The following SEMA3E variants were observed in gnomAD, a reference collection of about 807,000 sequenced individuals.
The protein encoded by SEMA3E is semaphorin-3E.
Under a neutral mutation model 93.6 loss-of-function variants are expected in SEMA3E, and 49 were observed. The observed-to-expected ratio is 0.52, with a 90% CI of 0.42 to 0.66. The LOEUF is 0.66. SEMA3E is among the 30% of genes least tolerant of loss of function. SEMA3E has a pLI of 0.00. For synonymous variants in SEMA3E, 363 were observed against 330.7 expected, an observed-to-expected ratio of 1.10 and a Z score of -1.06; for missense variants, 906 against 964.8, an observed-to-expected ratio of 0.94 and a Z score of 0.81.
At chr7:83,551,209 C>T (rs1435789131) in intron 1 of SEMA3E, among the ~76,000 whole-genome samples, 3 of 151,202 alleles carry the variant, frequency 2.0e-5, no homozygotes, top group African/African-American at 7.3e-5. Context: ...TTTCTAATAC[C>T]AAAAAAAATA....
intron 2 of SEMA3E, among the ~76,000 whole-genome samples, chr7:83,483,678 C>T (rs1380400805): frequency 4.0e-5 from 6 of 151,584 alleles, no homozygotes; most frequent in African/African-American, 1.5e-4. Flanking sequence ...AAGCTGGGAC[C>T]CAGAGCATGG....
intron 2 of SEMA3E, among the ~76,000 whole-genome samples, chr7:83,481,279 G>C (rs149540027): frequency 3.2e-4 from 49 of 152,140 alleles, no homozygotes; most frequent in Non-Finnish European, 5.7e-4. Flanking sequence ...GAAAGTCTCA[G>C]ATGCTTTAAT....
chr7:83,530,374 C>T (rs1287508775), intron 1 of SEMA3E, among the ~76,000 whole-genome samples: 15 of 152,084 alleles, frequency 9.9e-5, no homozygotes, highest in Admixed American at 9.8e-4. Flanking sequence ...TGTAATACTG[C>T]CTCTCACTAT....
At chr7:83,409,363 G>T (rs1253817916) in intron 5 of SEMA3E, among the ~76,000 whole-genome samples, 1 of 152,114 alleles carries the variant, frequency 6.6e-6, no homozygotes, top group African/African-American at 2.4e-5. Flanking sequence ...TTACCAGAAG[G>T]ATGTCCTGGC....
At chr7:83,617,508 AAATAATATAT>A (rs1247505788) in intron 1 of SEMA3E, among the ~76,000 whole-genome samples, 84 of 146,058 alleles carry the variant, frequency 5.8e-4, no homozygotes, top group South Asian at 1.0e-3. Flanking sequence ...AATTTTATAT[AAATAATATAT>A]AATTTTATAT....
rs1451262825 is a variant in SEMA3E at position 83,516,787 on chromosome 7, T to C, written c.116-26513A>G. 2.0e-5 allele frequency among the ~76,000 whole-genome samples: 3 copies of C among 152,224 alleles called. No homozygotes were observed. In the East Asian group the frequency reaches 5.8e-4, roughly 29 times the overall value. ...ATATTTTCTTCTTCCCCTGCTACGT[T>C]ATGTTTTTAACTATATCATAAAAGT... On this transcript the variant is annotated intron_variant, in intron 1 of 16. Coordinates refer to ENST00000643230, the MANE Select transcript of SEMA3E (RefSeq NM_012431.3).
At position 83,367,909 on chromosome 7, in the gene SEMA3E, T is replaced by A. The variant is rs1208461195; in HGVS notation, c.2005A>T (p.Thr669Ser). 1 of 1,610,802 alleles carries A rather than the reference T, an allele frequency of 6.2e-7. No homozygotes were observed. The highest frequency in any genetic ancestry group is 1.1e-5 in the South Asian group (1 of 90,900). The change falls in exon 17 of 17, where the codon ACC becomes TCC. Residue 669 changes from threonine (T) to serine (S), a missense_variant. Physicochemically the swap from Thr to Ser is moderately conservative, Grantham distance 58. Transcript: ENST00000643230. ...TTCTCCTCTTCCACTACCTCCAAGGTGATTTTACGGACCGTATGGACAAAG... is the reference window on the plus strand; with the variant it reads ...TTCTCCTCTTCCACTACCTCCAAGGAGATTTTACGGACCGTATGGACAAAG... ...HSFVHTVRKI[T>S]LEVVEEEKVE...
chr7:83,417,077 CTCTT>C (rs1788563156), intron 5 of SEMA3E, among the ~76,000 whole-genome samples: 1 of 145,800 alleles, frequency 6.9e-6, no homozygotes, highest in East Asian at 2.1e-4. Context: ...TTAATATTTT[CTCTT>C]TAATATTTAT....
chr7:83,395,749 G>C (rs1788106779), intron 12 of SEMA3E, among the ~76,000 whole-genome samples: 2 of 144,660 alleles, frequency 1.4e-5, no homozygotes, highest in African/African-American at 4.9e-5. Flanking sequence ...CAAAAAAGCT[G>C]TGCTGTGCCT....
At chr7:83,647,381 G>T (rs1402042817) in intron 1 of SEMA3E, among the ~76,000 whole-genome samples, 2 of 152,036 alleles carry the variant, frequency 1.3e-5, no homozygotes, top group Non-Finnish European at 2.9e-5. Context: ...TTTCTACAGT[G>T]GGGGACAATT....
In SEMA3E at chr7:83,364,185, C is replaced by G. The variant is rs1041183340; in HGVS notation, c.*3401G>C. ...CTGGGATTACAGGCGTGAGCCACCG[C>G]GCCCGGCCAGGTCAATTCATTTTTA... On this transcript the variant is annotated 3_prime_UTR_variant, in exon 17 of 17. Coordinates refer to ENST00000643230, the MANE Select transcript of SEMA3E (RefSeq NM_012431.3). 3.9e-5 allele frequency: 6 copies of G among 152,046 alleles called. No homozygotes were observed. Among genetic ancestry groups the G allele is most frequent in the African/African-American group, 1.2e-4 (5 of 41,364 alleles). 9.4% of individuals were successfully genotyped at this position (152,046 alleles called of 1,614,324 possible). A position where few individuals can be genotyped will look rare whatever the true frequency, so the allele number is the denominator to read the frequency against.
At chr7:83,375,999 A>C (rs879902782) in intron 16 of SEMA3E, among the ~76,000 whole-genome samples, 3 of 152,082 alleles carry the variant, frequency 2.0e-5, no homozygotes, top group Admixed American at 6.6e-5. Context: ...ATGTTTGTCA[A>C]GGCTAGAAAA....
At chr7:83,387,199 G>C (rs1787899133) in intron 14 of SEMA3E, 149 bp from the exon 15 acceptor site, 1 of 702,922 alleles carries the variant, frequency 1.4e-6, no homozygotes, top group Non-Finnish European at 2.4e-6. Context: ...AAGTTTCATA[G>C]TTTTTCATAT....
At chr7:83,519,128 C>G (rs1339283040) in intron 1 of SEMA3E, among the ~76,000 whole-genome samples, 1 of 151,886 alleles carries the variant, frequency 6.6e-6, no homozygotes, top group Non-Finnish European at 1.5e-5. Context: ...CCGCTACCCC[C>G]ACCCCACAAC....
chr7:83,522,729 A>C (rs1791074443), intron 1 of SEMA3E, among the ~76,000 whole-genome samples: 1 of 152,060 alleles, frequency 6.6e-6, no homozygotes, highest in African/African-American at 2.4e-5. Context: ...GCAATTGTTA[A>C]ATGTTACCAT....
rs541334290 is a variant in SEMA3E, at chr7:83,618,224, T to C, written c.115+30204A>G. 8.5e-5 allele frequency among the ~76,000 whole-genome samples: 13 copies of C among 152,122 alleles called. No homozygotes were observed. In the East Asian group the frequency reaches 2.3e-3, roughly 27 times the overall value. On this transcript the variant is annotated intron_variant, in intron 1 of 16. Transcript: ENST00000643230. ...AATGAAGTAGCTACTGTTTTACTTG[T>C]AGTTGAAAAAATTGATGTTGATGAA...
At chr7:83,635,952 C>G (rs941725604) in intron 1 of SEMA3E, among the ~76,000 whole-genome samples, 18 of 150,996 alleles carry the variant, frequency 1.2e-4, no homozygotes, top group African/African-American at 4.4e-4. Context: ...TAAATTATCA[C>G]TCTTTCCCAG....
intron 1 of SEMA3E, among the ~76,000 whole-genome samples, chr7:83,552,539 C>T (rs1791787875): frequency 6.6e-6 from 1 of 152,136 alleles, no homozygotes. Context: ...TATTTTTCTT[C>T]TTGCAGAGAG....
chr7:83,459,653 T>A (rs1789567949), intron 4 of SEMA3E, among the ~76,000 whole-genome samples: 1 of 152,180 alleles, frequency 6.6e-6, no homozygotes, highest in Non-Finnish European at 1.5e-5. Context: ...TGGTTAACAT[T>A]TAAAATATGC....
Sources: allele counts gnomAD v4.1 joint callset (sites outside exome capture counted in the v4.1 genomes callset), GRCh38; gene constraint gnomAD v4.1.1; transcripts MANE v1.5; gene names NCBI Gene and HGNC (gene_info 2026-07-23, HGNC 2026-07-21).